ATAD2B: variants seen among roughly 807,000 people sequenced by gnomAD.
The protein encoded by ATAD2B is ATPase family AAA domain-containing protein 2B.
ATAD2B carries 40 observed loss-of-function variants against 167.6 expected under a neutral mutation model. The observed-to-expected ratio is 0.24, with a 90% confidence interval of 0.19 to 0.31. ATAD2B has a LOEUF of 0.31. Among genes scored for constraint, ATAD2B ranks in the 10% least tolerant of loss-of-function variants. ATAD2B has a pLI of 1.00. For synonymous variants in ATAD2B, 579 were observed against 596.5 expected (o/e 0.97, Z 0.43); for missense variants, 1,242 against 1,757.2 (o/e 0.71, Z 5.24).
chr2:23,710,521 C>T, the ATAD2B span, among the ~76,000 whole-genome samples: 1 of 152,126 alleles, frequency 6.6e-6, no homozygotes, highest in African/African-American at 2.4e-5. Context: ...AGGCAGACGC[C>T]GGGTATCAGG....
intron 23 of ATAD2B, among the ~76,000 whole-genome samples, chr2:23,764,831 C>G (rs925718708): frequency 6.6e-6 from 1 of 151,296 alleles, no homozygotes; most frequent in Non-Finnish European, 1.5e-5. Flanking sequence ...ATTGTTTTCT[C>G]TGTGTGCAAT....
downstream of ATAD2B, among the ~76,000 whole-genome samples, chr2:23,746,916 A>C (rs1674916989): frequency 6.6e-6 from 1 of 152,174 alleles, no homozygotes; most frequent in African/African-American, 2.4e-5. Flanking sequence ...CCATGACAGA[A>C]ACCTGGCACA....
At chr2:23,741,770 T>C in the ATAD2B span, among the ~76,000 whole-genome samples, 1 of 152,112 alleles carries the variant, frequency 6.6e-6, no homozygotes, top group Admixed American at 6.5e-5. Flanking sequence ...ACAGGCAACC[T>C]ACAGAATGGG....
intron 14 of ATAD2B, among the ~76,000 whole-genome samples, chr2:23,831,365 A>G (rs1022967427): frequency 6.6e-5 from 10 of 151,468 alleles, no homozygotes; most frequent in South Asian, 2.1e-4. Flanking sequence ...AAAATTTGAA[A>G]CCAAGATTTA....
intron 19 of ATAD2B, among the ~76,000 whole-genome samples, chr2:23,790,611 CTAACTT>C (rs1261011619): frequency 6.6e-6 from 1 of 152,172 alleles, no homozygotes; most frequent in Admixed American, 6.5e-5. Context: ...AAGTTCACTC[CTAACTT>C]TATCTTCTGA....
chr2:23,741,780 G>A, the ATAD2B span, among the ~76,000 whole-genome samples: 77 of 152,152 alleles, frequency 5.1e-4, no homozygotes, highest in Non-Finnish European at 9.3e-4. Flanking sequence ...TACAGAATGG[G>A]AGAAAATTTT....
intron 25 of ATAD2B, 74 bp downstream of exon 25, chr2:23,757,344 G>A (rs2149307629): frequency 8.8e-7 from 1 of 1,134,992 alleles, no homozygotes; most frequent in Admixed American, 2.7e-5. Context: ...TTACTACTGG[G>A]AACCAGATAA....
chr2:23,683,049 A>G, the ATAD2B span, among the ~76,000 whole-genome samples: 1 of 152,244 alleles, frequency 6.6e-6, no homozygotes, highest in Non-Finnish European at 1.5e-5. Flanking sequence ...AGGGAGCAGA[A>G]GCAGGATCCT....
intron 6 of ATAD2B, among the ~76,000 whole-genome samples, chr2:23,881,363 T>C (rs1215337149): frequency 3.1e-5 from 1 of 32,246 alleles, no homozygotes; most frequent in Non-Finnish European, 7.5e-5. Context: ...ATCAATTCTT[T>C]TTTTTTTTTT....
At chr2:23,695,259 C>T in the ATAD2B span, among the ~76,000 whole-genome samples, 72 of 152,274 alleles carry the variant, frequency 4.7e-4, no homozygotes, top group Admixed American at 1.3e-3. This position sits in a 1 kb window ranked among gnomAD's most constrained non-coding sequence, Gnocchi z 7.6. Context: ...TTAATAATCG[C>T]GTCTTCCTCA....
chr2:23,859,819 G>A (rs952614374), intron 12 of ATAD2B, among the ~76,000 whole-genome samples: 2 of 151,696 alleles, frequency 1.3e-5, no homozygotes, highest in Non-Finnish European at 2.9e-5. Flanking sequence ...GTGGCGGGGG[G>A]GGCACCTGTA....
the ATAD2B span, among the ~76,000 whole-genome samples, chr2:23,679,773 C>T: frequency 6.6e-6 from 1 of 152,120 alleles, no homozygotes; most frequent in Non-Finnish European, 1.5e-5. Flanking sequence ...CGGAGGAGGG[C>T]AGAGGGCAGA....
At chr2:23,703,978 G>C in the ATAD2B span, 1 of 1,202,054 alleles carries the variant, frequency 8.3e-7, no homozygotes, top group Non-Finnish European at 1.1e-6. Flanking sequence ...GCCCAGAGCA[G>C]TGGCCCTCCC....
chr2:23,800,009 TAA>T (rs1683225349), intron 18 of ATAD2B: 1 of 150,638 alleles, frequency 6.6e-6, no homozygotes. Context: ...AGAAAATTCA[TAA>T]GAGAAAAACA....
At chr2:23,728,330 A>G in the ATAD2B span, among the ~76,000 whole-genome samples, 1 of 152,352 alleles carries the variant, frequency 6.6e-6, no homozygotes, top group Non-Finnish European at 1.5e-5. Flanking sequence ...TGCATGTACA[A>G]CACTTGTTTA....
rs529680295 is a variant in ATAD2B, at chr2:23,889,985, C to A, written c.369-1586G>T. Among the ~76,000 whole-genome samples, 11 of 151,042 alleles carry A rather than the reference C, an allele frequency of 7.3e-5. No individual in the cohort carries two copies. The South Asian group carries it at 2.1e-3, about 29-fold the overall frequency. On this transcript the variant is annotated intron_variant, in intron 2 of 27. Transcript: ENST00000238789. The stretch of plus-strand genomic sequence containing the variant: ...ATCCCAACACTTTGGGAGGCCGAGG[C>A]GGGCAGATTACGAGGTCAGGAGATC...
intron 5 of ATAD2B, among the ~76,000 whole-genome samples, chr2:23,885,131 G>A (rs183820652): frequency 6.6e-6 from 1 of 152,316 alleles, no homozygotes; most frequent in African/African-American, 2.4e-5. Flanking sequence ...AGCCTAGTAG[G>A]AGGGAAATAA....
At chr2:23,839,798 T>A (rs1690594438) in intron 13 of ATAD2B, among the ~76,000 whole-genome samples, 1 of 152,136 alleles carries the variant, frequency 6.6e-6, no homozygotes, top group South Asian at 2.1e-4. Context: ...GTATACCCTG[T>A]GAAACCATCA....
intron 8 of ATAD2B, among the ~76,000 whole-genome samples, chr2:23,871,296 AAAC>A (rs761772395): frequency 2.6e-5 from 4 of 152,052 alleles, no homozygotes; most frequent in African/African-American, 7.2e-5. Context: ...ACTAAAAAAA[AAAC>A]ATTTGCCATG....
Sources: allele counts gnomAD v4.1 joint callset (sites outside exome capture counted in the v4.1 genomes callset), GRCh38; gene constraint gnomAD v4.1.1; non-coding constraint Gnocchi (gnomAD v3.1); transcripts MANE v1.5; gene names NCBI Gene and HGNC (gene_info 2026-07-23, HGNC 2026-07-21).